The following CACNG3 variants were observed in gnomAD, a reference collection of about 807,000 sequenced individuals.
CACNG3 encodes the protein voltage-dependent calcium channel gamma-3 subunit.
CACNG3 carries 3 observed loss-of-function variants against 28.5 expected under a neutral mutation model. The observed-to-expected ratio is 0.11, with a 90% CI of 0.05 to 0.27. CACNG3 has a LOEUF of 0.27. Among genes scored for constraint, CACNG3 ranks in the 10% least tolerant of loss-of-function variants. The pLI, the probability that CACNG3 is intolerant of heterozygous loss-of-function variation, is 1.00. For missense variants in CACNG3, 236 were observed against 414.4 expected (o/e 0.57, Z 3.74); for synonymous variants, 174 against 162.2 (o/e 1.07, Z -0.55).
chr16:24,329,689 A>C (rs1156983116), intron 1 of CACNG3, among the ~76,000 whole-genome samples: 1 of 152,212 alleles, frequency 6.6e-6, no homozygotes, highest in Non-Finnish European at 1.5e-5. Flanking sequence ...CTGAACCTCT[A>C]CACATTATAT....
At chr16:24,355,065 C>A in intron 3 of CACNG3, 92 bp downstream of exon 3, 1 of 1,274,696 alleles carries the variant, frequency 7.8e-7, no homozygotes, top group Non-Finnish European at 1.1e-6. Context: ...GGGCTCCCTC[C>A]AGGGAAGGAG....
chr16:24,325,911 C>T (rs1410908260), intron 1 of CACNG3, among the ~76,000 whole-genome samples: 2 of 152,222 alleles, frequency 1.3e-5, no homozygotes, highest in Non-Finnish European at 2.9e-5. Flanking sequence ...CGTAAGCAGC[C>T]ACATAAGCTA....
rs1320428854 is a variant in CACNG3, at chr16:24,361,703, C to T, written c.788C>T (p.Ser263Leu). 1.9e-6 allele frequency: 3 copies of T among 1,613,982 alleles called. No individual in the cohort carries two copies. The highest frequency in any genetic ancestry group is 2.5e-6 in the Non-Finnish European group (3 of 1,180,004). Residue 263 changes from serine (S) to leucine (L), a missense_variant, in exon 4 of 4, where the codon TCG becomes TTG. By Grantham distance (145) the Ser-to-Leu change is moderately radical. Transcript: ENST00000005284. This position sits in a 1 kb window ranked among gnomAD's most constrained non-coding sequence, Gnocchi z 6.8. ...GFHTIPSTDI[S>L]MFTLSRDPSK... is the part of the protein sequence containing the mutation. ...CACACCATCCCTTCCACTGACATCT[C>T]GATGTTCACCCTCTCCCGGGACCCC... is the stretch of plus-strand genomic sequence containing the variant.
At chr16:24,312,955 G>GAGAAAGAGAA (rs1899289764) in intron 1 of CACNG3, among the ~76,000 whole-genome samples, 1 of 110,806 alleles carries the variant, frequency 9.0e-6, no homozygotes, top group South Asian at 3.1e-4. Context: ...AAGAAAGAAA[G>GAGAAAGAGAA]AGAAAGAAAG....
chr16:24,352,312 G>A (rs1402149932), intron 2 of CACNG3, among the ~76,000 whole-genome samples: 4 of 147,660 alleles, frequency 2.7e-5, no homozygotes, highest in Admixed American at 1.3e-4. Flanking sequence ...ATCCCTCCCC[G>A]GCCCCACCCC....
intron 1 of CACNG3, among the ~76,000 whole-genome samples, chr16:24,339,587 T>C (rs2141377103): frequency 6.6e-6 from 1 of 152,286 alleles, no homozygotes; most frequent in South Asian, 2.1e-4. Context: ...GGTTTCACCA[T>C]GCTGGCCAGG....
At chr16:24,257,366 GGGGAGAGAGAGAGAGAGAGA>G (rs1283480185) in intron 1 of CACNG3, among the ~76,000 whole-genome samples, 1 of 106,490 alleles carries the variant, frequency 9.4e-6, no homozygotes, top group African/African-American at 4.1e-5. Context: ...AGAAGTGAGG[GGGGAGAGAGAGAGAGAGAGA>G]GAGAGAGAGA....
intron 1 of CACNG3, among the ~76,000 whole-genome samples, chr16:24,311,698 A>G (rs1380430153): frequency 2.6e-5 from 4 of 151,908 alleles, no homozygotes; most frequent in Non-Finnish European, 5.9e-5. Context: ...TCTACTAGAA[A>G]TACAAAAATT....
At chr16:24,269,119 C>T (rs1011559781) in intron 1 of CACNG3, among the ~76,000 whole-genome samples, 4 of 152,166 alleles carry the variant, frequency 2.6e-5, no homozygotes, top group Non-Finnish European at 5.9e-5. Flanking sequence ...CAAGACCCAA[C>T]ACCATCTATC....
intron 1 of CACNG3, among the ~76,000 whole-genome samples, chr16:24,312,970 G>GAGAAAGA (rs1899291167): frequency 2.3e-5 from 3 of 130,490 alleles, no homozygotes; most frequent in African/African-American, 8.7e-5. Context: ...AGAAAGAAAA[G>GAGAAAGA]AAAGAAAGAA....
chr16:24,329,139 G>C (rs990883903), intron 1 of CACNG3, among the ~76,000 whole-genome samples: 1 of 152,196 alleles, frequency 6.6e-6, no homozygotes, highest in Non-Finnish European at 1.5e-5. Flanking sequence ...AAGTTGGAGG[G>C]AGGCGTCCAG....
At chr16:24,328,418 A>G (rs1162166331) in intron 1 of CACNG3, among the ~76,000 whole-genome samples, 2 of 149,142 alleles carry the variant, frequency 1.3e-5, no homozygotes, top group Non-Finnish European at 3.0e-5. Context: ...GGCCAGGTTA[A>G]GGACTTTTGT....
At chr16:24,265,011 G>A (rs962353591) in intron 1 of CACNG3, among the ~76,000 whole-genome samples, 1 of 152,174 alleles carries the variant, frequency 6.6e-6, no homozygotes, top group Non-Finnish European at 1.5e-5. Context: ...GGCCAAGGAA[G>A]GTGGATCACT....
At chr16:24,345,731 CG>C (rs1375808468) in intron 1 of CACNG3, among the ~76,000 whole-genome samples, 5 of 152,096 alleles carry the variant, frequency 3.3e-5, no homozygotes, top group Admixed American at 3.3e-4. Context: ...CAAATGTGGA[CG>C]GATGTTCAAG....
intron 1 of CACNG3, among the ~76,000 whole-genome samples, chr16:24,304,774 C>T (rs1312136828): frequency 6.6e-6 from 1 of 152,134 alleles, no homozygotes; most frequent in Non-Finnish European, 1.5e-5. Context: ...GTTGCCCAGG[C>T]TGGTCTCAAA....
At chr16:24,342,473 G>A (rs993967473) in intron 1 of CACNG3, among the ~76,000 whole-genome samples, 2 of 152,164 alleles carry the variant, frequency 1.3e-5, no homozygotes, top group South Asian at 2.1e-4. Context: ...TCCCAGGAAG[G>A]CCCAAACTCC....
At chr16:24,289,956 G>A (rs1361050804) in intron 1 of CACNG3, among the ~76,000 whole-genome samples, 3 of 152,232 alleles carry the variant, frequency 2.0e-5, no homozygotes, top group Admixed American at 2.0e-4. Context: ...AGAAAGATTT[G>A]GGGCAGTGGC....
At chr16:24,321,634 T>C (rs1596642223) in intron 1 of CACNG3, among the ~76,000 whole-genome samples, 1 of 152,172 alleles carries the variant, frequency 6.6e-6, no homozygotes, top group Non-Finnish European at 1.5e-5. Context: ...AAGCGCTTCC[T>C]TTAAGTGAAA....
intron 1 of CACNG3, among the ~76,000 whole-genome samples, chr16:24,336,275 AT>A (rs548335074): frequency 0.16 from 22,283 of 142,392 alleles, 1,848 homozygotes; most frequent in Middle Eastern, 0.21. Context: ...GATCACTGGC[AT>A]TTTTTTTTTT....
Sources: allele counts gnomAD v4.1 joint callset (sites outside exome capture counted in the v4.1 genomes callset), GRCh38; gene constraint gnomAD v4.1.1; non-coding constraint Gnocchi (gnomAD v3.1); transcripts MANE v1.5; gene names NCBI Gene and HGNC (gene_info 2026-07-23, HGNC 2026-07-21).